The following CCSER1 variants were observed in gnomAD, a reference collection of about 807,000 sequenced individuals.
CCSER1 encodes the protein serine-rich coiled-coil domain-containing protein 1.
A neutral mutation model predicts 82.0 loss-of-function variants in CCSER1; 41 were observed. The ratio of observed to expected loss-of-function variants is 0.50; its 90% CI spans 0.39 to 0.65. The LOEUF is 0.65. Among genes scored for constraint, CCSER1 ranks in the 30% least tolerant of loss-of-function variants. The pLI is 0.00. For missense variants in CCSER1, 1,119 were observed against 1,064.2 expected (o/e 1.05, Z -0.72); for synonymous variants, 414 against 383.9 (o/e 1.08, Z -0.92).
chr4:90,694,585 GTATTA>G (rs1327211968), intron 6 of CCSER1, among the ~76,000 whole-genome samples: 5 of 151,870 alleles, frequency 3.3e-5, no homozygotes, highest in African/African-American at 9.7e-5. Context: ...ATTGCTCAAA[GTATTA>G]TATTATTTGG....
At chr4:90,612,124 A>G (rs868601518) in intron 5 of CCSER1, among the ~76,000 whole-genome samples, 43 of 152,242 alleles carry the variant, frequency 2.8e-4, no homozygotes, top group Middle Eastern at 3.4e-3. Flanking sequence ...TTTACAAATA[A>G]AATACCTTAA....
At chr4:91,084,898 C>T (rs1039019492) in intron 9 of CCSER1, among the ~76,000 whole-genome samples, 5 of 151,408 alleles carry the variant, frequency 3.3e-5, no homozygotes, top group African/African-American at 1.2e-4. Flanking sequence ...TTGAAAAAAC[C>T]CTGAAAATTT....
Position 90,616,738 on chromosome 4 carries a change from CAAATA to C in CCSER1, c.1725-11273_1725-11269del, listed in dbSNP as rs137979641. 5.6e-3 allele frequency among the ~76,000 whole-genome samples: 322 copies of C among 57,724 alleles called. 6 individuals are homozygous for C. The highest frequency in any genetic ancestry group is 0.02 in the African/African-American group (237 of 11,720). 37.9% of individuals were successfully genotyped at this position (57,724 alleles called of 152,430 possible). A position where few individuals can be genotyped will look rare whatever the true frequency, so the allele number is the denominator to read the frequency against. Reference sequence around the variant, plus strand: ...ACACACACACACACACACACACACACAAATAAAATAAAATAAAAGGGAGAGAGAGA... The same window carrying C: ...ACACACACACACACACACACACACACAAATAAAATAAAAGGGAGAGAGAGA... On this transcript the variant is annotated intron_variant, in intron 5 of 10. Coordinates refer to ENST00000509176, the MANE Select transcript of CCSER1 (RefSeq NM_001145065.2).
chr4:90,715,637 A>ACCACC (rs1452298098), intron 6 of CCSER1, among the ~76,000 whole-genome samples: 1 of 151,956 alleles, frequency 6.6e-6, no homozygotes, highest in Non-Finnish European at 1.5e-5. Context: ...CCTCTCTGTG[A>ACCACC]TTTCAGGAGG....
intron 3 of CCSER1, among the ~76,000 whole-genome samples, chr4:90,385,624 T>G (rs1362183366): frequency 6.6e-6 from 1 of 151,952 alleles, no homozygotes; most frequent in Non-Finnish European, 1.5e-5. Flanking sequence ...CACACCTGGC[T>G]AATTTTTTGT....
chr4:90,142,301 A>T (rs1311728129), intron 1 of CCSER1, among the ~76,000 whole-genome samples: 1 of 152,206 alleles, frequency 6.6e-6, no homozygotes, highest in Non-Finnish European at 1.5e-5. Context: ...TACAGGCCTA[A>T]GTCCATGAAA....
At chr4:90,470,126 C>G (rs2153589620) in intron 5 of CCSER1, among the ~76,000 whole-genome samples, 1 of 152,242 alleles carries the variant, frequency 6.6e-6, no homozygotes, top group Middle Eastern at 3.4e-3. Flanking sequence ...TTAAGTAAAG[C>G]TACCATCATT....
chr4:91,463,217 C>A (rs1256026392), intron 10 of CCSER1, among the ~76,000 whole-genome samples: 1 of 152,202 alleles, frequency 6.6e-6, no homozygotes, highest in Admixed American at 6.5e-5. Flanking sequence ...CGCTGTTCTG[C>A]AGCCTCCGCT....
At chr4:91,435,440 C>CAA (rs5860233) in intron 10 of CCSER1, among the ~76,000 whole-genome samples, 2,719 of 144,920 alleles carry the variant, frequency 0.019, 34 homozygotes, top group Non-Finnish European at 0.024. Context: ...GACCCTGTCT[C>CAA]AAAAAAAAAA....
At chr4:90,482,374 A>G (rs569045379) in intron 5 of CCSER1, among the ~76,000 whole-genome samples, 454 of 152,026 alleles carry the variant, frequency 3.0e-3, no homozygotes, top group African/African-American at 0.011. Flanking sequence ...TATTTCCTTC[A>G]GTTCTGCTCT....
intron 5 of CCSER1, among the ~76,000 whole-genome samples, chr4:90,573,709 C>T (rs1160966082): frequency 6.6e-6 from 1 of 152,070 alleles, no homozygotes; most frequent in Admixed American, 6.6e-5. Context: ...ACCCCTCCCC[C>T]TCATATTTTT....
chr4:90,819,309 G>A (rs947939901), intron 8 of CCSER1, among the ~76,000 whole-genome samples: 6 of 152,100 alleles, frequency 3.9e-5, no homozygotes, highest in South Asian at 2.1e-4. Flanking sequence ...ATATCATCAC[G>A]CCGGGAGTCA....
chr4:90,934,786 C>G (rs1219192958), intron 9 of CCSER1, among the ~76,000 whole-genome samples: 1 of 152,102 alleles, frequency 6.6e-6, no homozygotes, highest in African/African-American at 2.4e-5. Flanking sequence ...ACAAAATTAG[C>G]TGGACATGGT....
chr4:90,463,369 T>C (rs1231536007), intron 4 of CCSER1, among the ~76,000 whole-genome samples: 1 of 152,156 alleles, frequency 6.6e-6, no homozygotes, highest in African/African-American at 2.4e-5. Context: ...TAGCGAGAAA[T>C]AGATCAAATT....
At chr4:91,229,638 T>C (rs1344455058) in intron 10 of CCSER1, among the ~76,000 whole-genome samples, 2 of 152,136 alleles carry the variant, frequency 1.3e-5, no homozygotes, top group African/African-American at 4.8e-5. Context: ...ATATACACCA[T>C]GGAATACTAT....
intron 10 of CCSER1, among the ~76,000 whole-genome samples, chr4:91,257,066 C>T (rs1294903986): frequency 6.6e-6 from 1 of 152,082 alleles, no homozygotes; most frequent in African/African-American, 2.4e-5. Flanking sequence ...TTCACTCTTT[C>T]TAAATTCATG....
rs914265991 is a variant in CCSER1, at chr4:90,529,006, C to CT, written c.1724+60662dup. 9.2e-4 allele frequency among the ~76,000 whole-genome samples: 135 copies of CT among 146,932 alleles called. 1 individual carries two copies. Among genetic ancestry groups the CT allele is most frequent in the East Asian group, 5.9e-3 (30 of 5,044 alleles). ...GCTAAACATCATAGACAGATGTCTGCTTTTTTTTTTCTAAAACTTATGATA... is the reference window on the plus strand; with the variant it reads ...GCTAAACATCATAGACAGATGTCTGCTTTTTTTTTTTCTAAAACTTATGATA... On this transcript the variant is annotated intron_variant, in intron 5 of 10. Coordinates refer to ENST00000509176, the MANE Select transcript of CCSER1 (RefSeq NM_001145065.2).
At chr4:91,052,248 TCTCTA>T (rs1185761919) in intron 9 of CCSER1, among the ~76,000 whole-genome samples, 2 of 152,072 alleles carry the variant, frequency 1.3e-5, no homozygotes, top group African/African-American at 2.4e-5. Flanking sequence ...CTTTTTCCAT[TCTCTA>T]CTCAAGTTAT....
At position 91,598,993 on chromosome 4, in the gene CCSER1, ATG is replaced by A; in HGVS notation, c.2643_2644del (p.Phe882SerfsTer9). On this transcript the variant is annotated frameshift_variant, in exon 11 of 11. Transcript: ENST00000509176. LOFTEE classifies it high-confidence loss of function. ...TCTTTACACATGTACAGCAGGAAGA[ATG>A]TGTTTCTCCACCACAATTTACACAG... The A allele has an allele frequency of 6.4e-7, 1 of 1,551,514 alleles. No individual in the cohort carries two copies. The highest frequency in any genetic ancestry group is 8.7e-7 in the Non-Finnish European group (1 of 1,146,882).
Sources: gnomAD v4.1 joint callset for allele counts (sites outside exome capture counted in the v4.1 genomes callset) on GRCh38, gnomAD v4.1.1 for gene constraint, MANE v1.5 for transcripts, NCBI Gene and HGNC (gene_info 2026-07-23, HGNC 2026-07-21) for gene names.